The following MIR2052HG variants were observed in gnomAD, a reference collection of about 807,000 sequenced individuals.
The protein encoded by MIR2052HG is MIR2052 host gene.
intron 4 of MIR2052HG, among the ~76,000 whole-genome samples, chr8:74,728,498 A>T (rs1809658145): frequency 6.6e-6 from 1 of 152,168 alleles, no homozygotes; most frequent in Non-Finnish European, 1.5e-5. Flanking sequence ...CAATTGATAT[A>T]CAATGGTGCA....
At chr8:74,645,640 T>C (rs994853046) in intron 2 of MIR2052HG, among the ~76,000 whole-genome samples, 19 of 152,196 alleles carry the variant, frequency 1.2e-4, no homozygotes, top group Admixed American at 5.9e-4. Context: ...ACCTGGAACA[T>C]AGTGACTGCT....
intron 2 of MIR2052HG, among the ~76,000 whole-genome samples, chr8:74,699,833 C>T (rs1286355456): frequency 6.6e-6 from 1 of 151,960 alleles, no homozygotes; most frequent in Non-Finnish European, 1.5e-5. Context: ...TGGTAAAATG[C>T]CGTGTAAGTC....
chr8:74,746,017 G>A (rs932212777), intron 4 of MIR2052HG, among the ~76,000 whole-genome samples: 2 of 152,140 alleles, frequency 1.3e-5, no homozygotes. Flanking sequence ...GGTAGTTAGA[G>A]GGGGAAGAGA....
chr8:74,657,930 A>G, intron 2 of MIR2052HG, among the ~76,000 whole-genome samples: 1 of 152,152 alleles, frequency 6.6e-6, no homozygotes, highest in East Asian at 1.9e-4. Context: ...GGTGATTCAC[A>G]TGTTCACTAA....
At position 74,718,356 on chromosome 8, in the gene MIR2052HG, C is replaced by A. The variant is rs1257432302; in HGVS notation, n.371+14674C>A. Among the ~76,000 whole-genome samples, 4 of 152,082 alleles carry A rather than the reference C, an allele frequency of 2.6e-5. No homozygotes were observed. The East Asian group carries it at 7.8e-4, about 29-fold the overall frequency. Reference sequence around the variant, plus strand: ...TCATCTCAATGTAAGCAGCCCAGGGCTCATATGGCAGCTGTGTGTGTCGGG... The same window carrying A: ...TCATCTCAATGTAAGCAGCCCAGGGATCATATGGCAGCTGTGTGTGTCGGG... On this transcript the variant is annotated intron_variant and non_coding_transcript_variant, in intron 4 of 6. Transcript: ENST00000523442.
At chr8:74,628,988 G>A (rs1375529484) in intron 2 of MIR2052HG, 1 of 152,050 alleles carries the variant, frequency 6.6e-6, no homozygotes, top group Non-Finnish European at 1.5e-5. Context: ...GAAAAAAATT[G>A]TGAAGGCTTT....
At chr8:74,648,446 C>T (rs1209088293) in intron 2 of MIR2052HG, among the ~76,000 whole-genome samples, 1 of 152,172 alleles carries the variant, frequency 6.6e-6, no homozygotes, top group Non-Finnish European at 1.5e-5. Flanking sequence ...GGACCCTCAT[C>T]AGTAATTCTA....
intron 2 of MIR2052HG, among the ~76,000 whole-genome samples, chr8:74,637,315 G>A (rs956916126): frequency 6.6e-6 from 1 of 152,108 alleles, no homozygotes; most frequent in African/African-American, 2.4e-5. Context: ...TGAAAAGGGA[G>A]CCAGCTTAAT....
At chr8:74,654,166 A>G (rs1808780061) in intron 2 of MIR2052HG, among the ~76,000 whole-genome samples, 2 of 151,860 alleles carry the variant, frequency 1.3e-5, no homozygotes. Context: ...TTTTTTCTTC[A>G]TTTTCAGTTA....
intron 2 of MIR2052HG, among the ~76,000 whole-genome samples, chr8:74,651,857 G>A (rs1808756408): frequency 6.6e-6 from 1 of 152,174 alleles, no homozygotes; most frequent in Non-Finnish European, 1.5e-5. Flanking sequence ...AAATCAAAGT[G>A]TGGACTCAAA....
chr8:74,611,675 C>A (rs370482097), intron 1 of MIR2052HG, among the ~76,000 whole-genome samples: 2 of 152,098 alleles, frequency 1.3e-5, no homozygotes, highest in African/African-American at 2.4e-5. Context: ...AAGGACACTA[C>A]GAACAAAATG....
At chr8:74,737,298 G>A (rs887633489) in intron 4 of MIR2052HG, among the ~76,000 whole-genome samples, 13 of 152,126 alleles carry the variant, frequency 8.5e-5, no homozygotes, top group Non-Finnish European at 1.6e-4. Flanking sequence ...TAAAGTGAGC[G>A]TGAAGTGGCC....
intron 2 of MIR2052HG, among the ~76,000 whole-genome samples, chr8:74,675,552 G>A (rs1803447574): frequency 6.6e-6 from 1 of 152,082 alleles, no homozygotes; most frequent in Non-Finnish European, 1.5e-5. Context: ...CACAGGCACT[G>A]TGCAGAGGAT....
chr8:74,620,427 C>T (rs568826025), intron 2 of MIR2052HG, among the ~76,000 whole-genome samples: 215 of 152,340 alleles, frequency 1.4e-3, no homozygotes, highest in Admixed American at 2.4e-3. Context: ...CACAGAGGCT[C>T]TCCATGAGGG....
intron 4 of MIR2052HG, among the ~76,000 whole-genome samples, chr8:74,751,762 T>C (rs958526967): frequency 6.6e-6 from 1 of 152,170 alleles, no homozygotes; most frequent in Non-Finnish European, 1.5e-5. Context: ...CTAATTATGA[T>C]GACAAATTAA....
At chr8:74,654,275 T>C (rs776582669) in intron 2 of MIR2052HG, among the ~76,000 whole-genome samples, 2 of 152,196 alleles carry the variant, frequency 1.3e-5, no homozygotes, top group Non-Finnish European at 2.9e-5. Flanking sequence ...ATGAGGAATC[T>C]ACAAAGGAGA....
At chr8:74,627,510 G>A (rs902467076) in intron 2 of MIR2052HG, among the ~76,000 whole-genome samples, 4 of 152,116 alleles carry the variant, frequency 2.6e-5, no homozygotes, top group Admixed American at 1.3e-4. Flanking sequence ...AAATCTTCAG[G>A]CAACACTTTC....
intron 2 of MIR2052HG, among the ~76,000 whole-genome samples, chr8:74,613,784 G>A (rs1189401597): frequency 2.0e-5 from 3 of 152,300 alleles, no homozygotes; most frequent in African/African-American, 4.8e-5. Flanking sequence ...GCCATGCCTG[G>A]CCTGCAGGGA....
chr8:74,681,319 A>C (rs896830253), intron 2 of MIR2052HG, among the ~76,000 whole-genome samples: 2 of 152,104 alleles, frequency 1.3e-5, no homozygotes, highest in Admixed American at 6.6e-5. Context: ...AAGAAACTTG[A>C]TGTATTTATT....
Sources: allele counts gnomAD v4.1 joint callset (sites outside exome capture counted in the v4.1 genomes callset), GRCh38; gene constraint gnomAD v4.1.1; transcripts MANE v1.5; gene names NCBI Gene and HGNC (gene_info 2026-07-23, HGNC 2026-07-21).